FRY: variants seen among roughly 807,000 people sequenced by gnomAD.
FRY encodes protein furry homolog.
A neutral mutation model predicts 348.4 loss-of-function variants in FRY; 128 were observed. The ratio of observed to expected loss-of-function variants is 0.37; its 90% CI spans 0.32 to 0.43. FRY has a LOEUF of 0.43. FRY is among the 20% of genes least tolerant of loss of function. The pLI is 1.00. For missense variants in FRY, 2,736 were observed against 3,695.2 expected (o/e 0.74, Z 6.73); for synonymous variants, 1,370 against 1,374.7 (o/e 1.00, Z 0.08).
intron 3 of FRY, among the ~76,000 whole-genome samples, chr13:32,116,508 T>C (rs962681920): frequency 6.6e-6 from 1 of 152,194 alleles, no homozygotes; most frequent in Non-Finnish European, 1.5e-5. Flanking sequence ...ATCATAGACT[T>C]TGCTTATGGG....
intron 19 of FRY, 71 bp downstream of exon 19, chr13:32,173,620 A>G: frequency 9.2e-7 from 1 of 1,088,296 alleles, no homozygotes; most frequent in Non-Finnish European, 1.4e-6. Context: ...TAAAAACTAC[A>G]AATGATGCAT....
intron 28 of FRY, among the ~76,000 whole-genome samples, chr13:32,190,350 GAAT>G (rs904452738): frequency 6.6e-6 from 1 of 151,954 alleles, no homozygotes; most frequent in African/African-American, 2.4e-5. Flanking sequence ...GGATTATAAA[GAAT>G]AATAAAACAT....
chr13:32,043,573 A>T (rs905731812), intron 1 of FRY, among the ~76,000 whole-genome samples: 1 of 152,210 alleles, frequency 6.6e-6, no homozygotes, highest in African/African-American at 2.4e-5. Context: ...ACACTATATT[A>T]TGTGGCCTCT....
At chr13:32,225,144 A>T in intron 38 of FRY, 108 bp downstream of exon 38, 1 of 745,006 alleles carries the variant, frequency 1.3e-6, no homozygotes, top group Non-Finnish European at 2.4e-6. Context: ...CATTTCGGGA[A>T]TATTCTATCT....
intron 29 of FRY, among the ~76,000 whole-genome samples, chr13:32,194,594 G>A (rs1382407119): frequency 6.6e-6 from 1 of 152,090 alleles, no homozygotes; most frequent in Non-Finnish European, 1.5e-5. Flanking sequence ...TACATTATAG[G>A]AATTAAAGGA....
rs531859697 is a variant in FRY, at chr13:32,218,990, T to G, written c.4765+159T>G. Reference sequence around the variant, plus strand: ...GCAGATGAGCATAGAGTCAGCATCCTCAAAAGTTAAAAAAAAAAGAAAAAA... The same window carrying G: ...GCAGATGAGCATAGAGTCAGCATCCGCAAAAGTTAAAAAAAAAAGAAAAAA... On this transcript the variant is annotated intron_variant, in intron 36 of 60. Transcript: ENST00000542859. Among the ~76,000 whole-genome samples the G allele has an allele frequency of 8.1e-4, 118 of 146,086 alleles. 1 individual carries two copies. The highest frequency in any genetic ancestry group is 2.5e-3 in the African/African-American group (99 of 38,848).
In FRY at chr13:32,223,319, A is replaced by T. The variant is rs554991388; in HGVS notation, c.4766-916A>T. ...AAAAGCAAATTTTCATAGAGATGGG[A>T]ATTCAACACGATTTAATGTTTTTCT... On this transcript the variant is annotated intron_variant, in intron 36 of 60. Transcript: ENST00000542859. 3.9e-5 allele frequency among the ~76,000 whole-genome samples: 6 copies of T among 152,274 alleles called. No individual in the cohort carries two copies. In the East Asian group the frequency reaches 1.2e-3, roughly 29 times the overall value.
At chr13:32,062,888 C>T (rs1874028436) in intron 1 of FRY, among the ~76,000 whole-genome samples, 1 of 151,614 alleles carries the variant, frequency 6.6e-6, no homozygotes, top group African/African-American at 2.4e-5. Flanking sequence ...TATACCATCA[C>T]ATATATTTTA....
At chr13:32,208,138 G>A (rs1243486066) in intron 31 of FRY, among the ~76,000 whole-genome samples, 1 of 152,178 alleles carries the variant, frequency 6.6e-6, no homozygotes, top group Non-Finnish European at 1.5e-5. Flanking sequence ...GTCTCACAGG[G>A]GACACACAGC....
At position 32,249,553 on chromosome 13, in the gene FRY, G is replaced by A. The variant is rs1886971240; in HGVS notation, c.7036G>A (p.Glu2346Lys). 2 of 1,614,176 alleles carry A rather than the reference G, an allele frequency of 1.2e-6. No homozygotes were observed. Among genetic ancestry groups the A allele is most frequent in the Non-Finnish European group, 1.7e-6 (2 of 1,180,018 alleles). Reference protein sequence around the residue: ...ETPIIGRRYDELQNSSGRDGK... With the variant: ...ETPIIGRRYDKLQNSSGRDGK... ...TCCAATCATCGGGAGGCGGTATGAT[G>A]AGCTGCAGAATTCTTCTGGGCGTGA... Residue 2346 changes from glutamate to lysine, a missense_variant, in exon 49 of 61, where the codon GAG becomes AAG. Physicochemically the swap from Glu to Lys is moderately conservative, Grantham distance 56 (BLOSUM62 1). Around this residue, in one of 9 missense-constraint regions of FRY, gnomAD observed 789 missense variants for 996.2 expected, o/e 0.79. Coordinates refer to ENST00000542859, the MANE Select transcript of FRY (RefSeq NM_023037.3).
Position 32,074,339 on chromosome 13 carries a change from T to A in FRY, c.71-4495T>A, listed in dbSNP as rs749831025. 2.8e-4 allele frequency among the ~76,000 whole-genome samples: 43 copies of A among 152,144 alleles called. 1 individual carries two copies. The highest frequency in any genetic ancestry group is 1.0e-4 in the Non-Finnish European group (7 of 68,008). On this transcript the variant is annotated intron_variant, in intron 1 of 60. Transcript: ENST00000542859. ...CAATGGAGAAAAAAATTAGAACGTG[T>A]TAAAACCAAGATTAAAATGTAAATG...
At position 32,254,193 on chromosome 13, in the gene FRY, G is replaced by A. The variant is rs146651096; in HGVS notation, c.7246-31G>A. On this transcript the variant is annotated intron_variant, in intron 50 of 60. Transcript: ENST00000542859. ...TAGCACAAACAACCAAAGGGAGAAC[G>A]GTTTCTCAGGAGAGGACTCTTGATT... 577 of 1,611,396 alleles carry A rather than the reference G, an allele frequency of 3.6e-4. 5 individuals carry two copies. In the East Asian group the frequency reaches 9.1e-3, roughly 25 times the overall value.
At chr13:32,077,784 T>G (rs1002249602) in intron 1 of FRY, among the ~76,000 whole-genome samples, 5 of 152,234 alleles carry the variant, frequency 3.3e-5, no homozygotes, top group Admixed American at 1.3e-4. Context: ...ATTCTCTTGA[T>G]GTCGCATCCA....
At chr13:32,221,527 T>A (rs1885313974) in intron 36 of FRY, among the ~76,000 whole-genome samples, 1 of 152,192 alleles carries the variant, frequency 6.6e-6, no homozygotes, top group African/African-American at 2.4e-5. Flanking sequence ...TTTATTATTG[T>A]TTTTGAGACA....
At chr13:32,139,426 T>C (rs1226429374) in intron 11 of FRY, among the ~76,000 whole-genome samples, 1 of 152,216 alleles carries the variant, frequency 6.6e-6, no homozygotes, top group African/African-American at 2.4e-5. Flanking sequence ...TGACCTTTGG[T>C]AGCCACCTTT....
intron 51 of FRY, among the ~76,000 whole-genome samples, chr13:32,255,816 G>A (rs1395020260): frequency 6.6e-6 from 1 of 152,174 alleles, no homozygotes; most frequent in Non-Finnish European, 1.5e-5. Context: ...AGTTCAGCTA[G>A]TGTCAAAAGA....
intron 17 of FRY, among the ~76,000 whole-genome samples, chr13:32,165,509 C>CTGG (rs34620983): frequency 6.6e-6 from 1 of 151,942 alleles, no homozygotes; most frequent in Non-Finnish European, 1.5e-5. Context: ...GTGAACTACC[C>CTGG]TGGTGGTGAA....
At chr13:32,252,412 G>C (rs893441274) in intron 50 of FRY, among the ~76,000 whole-genome samples, 18 of 151,982 alleles carry the variant, frequency 1.2e-4, no homozygotes, top group Non-Finnish European at 2.6e-4. Context: ...AACTTCCACT[G>C]ATGTTACAAT....
intron 27 of FRY, among the ~76,000 whole-genome samples, chr13:32,186,794 C>T (rs1883052945): frequency 6.6e-6 from 1 of 152,132 alleles, no homozygotes; most frequent in South Asian, 2.1e-4. Context: ...AAATTTCCCC[C>T]CAACTAGGAC....
Sources: allele counts gnomAD v4.1 joint callset (sites outside exome capture counted in the v4.1 genomes callset), GRCh38; gene constraint gnomAD v4.1.1; regional missense constraint gnomAD v4.1.1; transcripts MANE v1.5; gene names NCBI Gene and HGNC (gene_info 2026-07-23, HGNC 2026-07-21).